The following AGL variants were observed in gnomAD, a reference collection of about 807,000 sequenced individuals.
AGL encodes the protein amylo-alpha-1,6-glucosidase and 4-alpha-glucanotransferase, also known as glycogen debranching enzyme.
A neutral mutation model predicts 199.3 loss-of-function variants in AGL; 128 were observed. The ratio of observed to expected loss-of-function variants is 0.64; its 90% confidence interval spans 0.56 to 0.74. The LOEUF is 0.74. AGL is among the 30% of genes least tolerant of loss of function. AGL has a pLI of 0.00. For synonymous variants in AGL, 584 were observed against 594.7 expected, an observed-to-expected ratio of 0.98 and a Z score of 0.26; for missense variants, 1,809 against 1,820.8, an observed-to-expected ratio of 0.99 and a Z score of 0.12.
At chr1:99,877,468 A>T (rs184091070) in intron 11 of AGL, among the ~76,000 whole-genome samples, 173 bp from the exon 12 acceptor site, 5 of 152,334 alleles carry the variant, frequency 3.3e-5, no homozygotes, top group Admixed American at 3.3e-4. Flanking sequence ...GCTATGAGAA[A>T]TAAATAATTA....
intron 7 of AGL, 90 bp from the exon 8 acceptor site, chr1:99,874,597 A>C: frequency 3.9e-6 from 5 of 1,289,316 alleles, no homozygotes; most frequent in Non-Finnish European, 5.4e-6. Flanking sequence ...TTTCAGTGAA[A>C]AAATTATAGG....
At position 99,870,402 on chromosome 1, in the gene AGL, G is replaced by A; in HGVS notation, c.667G>A (p.Ala223Thr). The A allele has an allele frequency of 6.2e-7, 1 of 1,613,692 alleles. No individual in the cohort carries two copies. Among genetic ancestry groups the A allele is most frequent in the East Asian group, 2.2e-5 (1 of 44,846 alleles). Residue 223 changes from alanine to threonine, a missense_variant and splice_region_variant, in exon 6 of 34, where the codon GCT becomes ACT. Physicochemically the swap from Ala to Thr is moderately conservative, Grantham distance 58. Transcript: ENST00000361915. ...ITDVVYNHTA[A>T]NSKWIQEHPE... ...TTTGTGTCTCCTTTTTCCTTCAGCTGCTAATAGTAAATGGATCCAGGAACA... is the reference window on the plus strand; with the variant it reads ...TTTGTGTCTCCTTTTTCCTTCAGCTACTAATAGTAAATGGATCCAGGAACA...
At chr1:99,893,061 A>G (rs919180749) in intron 24 of AGL, among the ~76,000 whole-genome samples, 1 of 152,224 alleles carries the variant, frequency 6.6e-6, no homozygotes, top group Non-Finnish European at 1.5e-5. Context: ...TTGAATAAAT[A>G]TCCTTTATTC....
At chr1:99,907,702 G>GTTTTTTTTTTTT (rs1654421426) in intron 27 of AGL, among the ~76,000 whole-genome samples, 1 of 42,794 alleles carries the variant, frequency 2.3e-5, no homozygotes, top group Non-Finnish European at 5.6e-5. Context: ...TGTTTTTTTT[G>GTTTTTTTTTTTT]CTAGTAGCCA....
intron 24 of AGL, 58 bp downstream of exon 24, chr1:99,892,665 G>C: frequency 6.5e-7 from 1 of 1,531,862 alleles, no homozygotes; most frequent in Non-Finnish European, 9.0e-7. Flanking sequence ...CGGAAGAAAA[G>C]TTATAGGAAA....
At position 99,864,458 on chromosome 1, in the gene AGL, A is replaced by T; in HGVS notation, c.533A>T (p.Gln178Leu). The T allele has an allele frequency of 6.2e-7, 1 of 1,613,920 alleles. No individual in the cohort carries two copies. The highest frequency in any genetic ancestry group is 1.7e-4 in the Middle Eastern group (1 of 6,056). The change falls in exon 5 of 34, where the codon CAG becomes CTG. Residue 178 changes from glutamine to leucine, a missense_variant. Coordinates refer to ENST00000361915, the MANE Select transcript of AGL (RefSeq NM_000642.3). Reference sequence around the variant, plus strand: ...AGGTCATGCTACTCCCTTGCCAATCAGTTAGAATTAAATCCTGACTTTTCA... The same window carrying T: ...AGGTCATGCTACTCCCTTGCCAATCTGTTAGAATTAAATCCTGACTTTTCA... ...LSRSCYSLAN[Q>L]LELNPDFSRP... is the part of the protein sequence containing the mutation.
chr1:99,884,300 A>G (rs77395268), intron 18 of AGL, 39 bp from the exon 19 acceptor site: 1 of 1,611,850 alleles, frequency 6.2e-7, no homozygotes, highest in East Asian at 2.2e-5. Context: ...CATTAGAACT[A>G]TTTGTTGAAT....
chr1:99,869,376 A>T (rs915361151), intron 5 of AGL, among the ~76,000 whole-genome samples: 1 of 152,192 alleles, frequency 6.6e-6, no homozygotes, highest in Non-Finnish European at 1.5e-5. Context: ...TACTAAATAA[A>T]TGACTGAAAC....
intron 5 of AGL, among the ~76,000 whole-genome samples, chr1:99,869,116 C>T (rs1289461569): frequency 1.3e-5 from 2 of 152,156 alleles, no homozygotes; most frequent in African/African-American, 2.4e-5. Context: ...TGAGCCACTG[C>T]ACCTAGCCCC....
chr1:99,899,903 A>G (rs948466965), intron 25 of AGL, among the ~76,000 whole-genome samples: 2 of 148,774 alleles, frequency 1.3e-5, no homozygotes, highest in African/African-American at 4.9e-5. Context: ...TACAGGCCTG[A>G]GCCACCACGC....
chr1:99,891,290 A>G lies in AGL; in HGVS notation c.2883A>G (p.Arg961=), dbSNP rs113625417. The change falls in exon 22 of 34, where the codon AGA becomes AGG. Residue 961 remains arginine, a synonymous_variant. Coordinates refer to ENST00000361915, the MANE Select transcript of AGL (RefSeq NM_000642.3). ...GGCATCCTTTTTGTAATAATTTGAG[A>G]TCTGGAGATTGGATGATTGACTATG... is the stretch of plus-strand genomic sequence containing the variant. ...DLGHPFCNNL[R]SGDWMIDYVS... The G allele has an allele frequency of 6.9e-4, 1,115 of 1,613,730 alleles. 7 individuals carry two copies. In the African/African-American group the frequency reaches 0.012, roughly 18 times the overall value.
chr1:99,863,114 AT>A (rs1446604913), intron 4 of AGL, among the ~76,000 whole-genome samples: 1 of 151,652 alleles, frequency 6.6e-6, no homozygotes, highest in African/African-American at 2.4e-5. Context: ...TAATTTTTGT[AT>A]TTTTAGTAGA....
chr1:99,873,635 T>C (rs1192859192), intron 7 of AGL, among the ~76,000 whole-genome samples: 27 of 152,170 alleles, frequency 1.8e-4, no homozygotes, highest in Admixed American at 1.8e-3. Flanking sequence ...AGTTTCTCAA[T>C]GTTGGTCAGG....
rs758614788 is a variant in AGL at position 99,874,822 on chromosome 1, GT to G, written c.1082+19del. 1.9e-6 allele frequency: 3 copies of G among 1,612,490 alleles called. No homozygotes were observed. In the South Asian group the frequency reaches 3.3e-5, roughly 18 times the overall value. On this transcript the variant is annotated intron_variant, in intron 8 of 33. Transcript: ENST00000361915. Reference sequence around the variant, plus strand: ...TTCATACCACATGAGTATGTAATGTGTTTTTTTCTGTGAAATAATAATATTA... The same window carrying G: ...TTCATACCACATGAGTATGTAATGTGTTTTTTCTGTGAAATAATAATATTA...
At chr1:99,913,430 G>T in intron 29 of AGL, 97 bp from the exon 30 acceptor site, 2 of 1,026,596 alleles carry the variant, frequency 1.9e-6, no homozygotes, top group South Asian at 1.4e-5. Flanking sequence ...TTGCCTTGTA[G>T]TAGATAAAAA....
chr1:99,854,656 C>T (rs911879797), intron 2 of AGL, among the ~76,000 whole-genome samples: 11 of 150,804 alleles, frequency 7.3e-5, no homozygotes, highest in African/African-American at 2.2e-4. Flanking sequence ...CCCAGCTACT[C>T]GGGAGGCTGA....
At chr1:99,914,402 C>A (rs779263313) in intron 30 of AGL, among the ~76,000 whole-genome samples, 1 of 152,224 alleles carries the variant, frequency 6.6e-6, no homozygotes, top group Non-Finnish European at 1.5e-5. Context: ...GAATTTTAGA[C>A]TCTCTGCTGT....
At chr1:99,879,454 C>T (rs1430916558) in intron 12 of AGL, among the ~76,000 whole-genome samples, 9 of 151,914 alleles carry the variant, frequency 5.9e-5, no homozygotes, top group East Asian at 1.9e-4. Flanking sequence ...TGTGGTGGTG[C>T]GTGCCTGTAA....
intron 3 of AGL, 60 bp downstream of exon 3, chr1:99,861,773 C>G: frequency 2.5e-6 from 4 of 1,570,300 alleles, no homozygotes; most frequent in Non-Finnish European, 3.5e-6. Flanking sequence ...TTTGAAGTCA[C>G]CTAACTTGTA....
Sources: allele counts gnomAD v4.1 joint callset (sites outside exome capture counted in the v4.1 genomes callset), GRCh38; gene constraint gnomAD v4.1.1; transcripts MANE v1.5; gene names NCBI Gene and HGNC (gene_info 2026-07-23, HGNC 2026-07-21).